The following ASCC3 variants were observed in gnomAD, a reference collection of about 807,000 sequenced individuals.
The protein encoded by ASCC3 is ASC-1 complex subunit P200.
Under a neutral mutation model 256.3 loss-of-function variants are expected in ASCC3, and 158 were observed. The ratio of observed to expected loss-of-function variants is 0.62; its 90% CI spans 0.54 to 0.70. The LOEUF (loss-of-function observed/expected upper bound fraction) is 0.70. Ranked by LOEUF, ASCC3 falls within the 30% of genes least tolerant of loss-of-function variation. ASCC3 has a pLI of 0.00. For synonymous variants in ASCC3, 948 were observed against 883.4 expected (o/e 1.07, Z -1.30); for missense variants, 2,259 against 2,626.0 (o/e 0.86, Z 3.05).
intron 3 of ASCC3, among the ~76,000 whole-genome samples, chr6:100,853,754 T>TAG (rs1176032244): frequency 6.6e-6 from 1 of 152,192 alleles, no homozygotes; most frequent in Non-Finnish European, 1.5e-5. Flanking sequence ...TGAGCCACTG[T>TAG]ACCCAGCCAA....
chr6:100,509,443 A>G lies in ASCC3; in HGVS notation c.6552T>C (p.Leu2184=). The G allele has an allele frequency of 6.2e-7, 1 of 1,614,230 alleles. No homozygotes were observed. The highest frequency in any genetic ancestry group is 2.2e-5 in the East Asian group (1 of 44,890). ...AGACCTTGGTGTTGACCTGTGCAGA[A>G]AGACTCGCTTGTGTAACGTTGAGAT... ...DIYLNVTQAS[L]SAQVNTKVSD... is the part of the protein sequence containing the mutation. The change falls in exon 42 of 42, where the codon CTT becomes CTC. Residue 2184 remains leucine (L), a synonymous_variant. Transcript: ENST00000369162.
intron 36 of ASCC3, among the ~76,000 whole-genome samples, chr6:100,540,930 C>A (rs922294885): frequency 2.6e-5 from 4 of 152,078 alleles, no homozygotes; most frequent in Admixed American, 6.5e-5. Flanking sequence ...AGAATTATTA[C>A]TTACTATTTA....
At chr6:100,871,166 G>C (rs1773722157) in intron 1 of ASCC3, among the ~76,000 whole-genome samples, 1 of 151,790 alleles carries the variant, frequency 6.6e-6, no homozygotes, top group African/African-American at 2.4e-5. Context: ...CGTGATCTCG[G>C]CTCACTGCAA....
chr6:100,795,207 C>A (rs1476459903), intron 8 of ASCC3, among the ~76,000 whole-genome samples: 6 of 151,064 alleles, frequency 4.0e-5, no homozygotes, highest in Non-Finnish European at 7.4e-5. Context: ...AAAAAAAAAA[C>A]CCATTGCTTC....
At chr6:100,543,848 C>A (rs954028864) in intron 36 of ASCC3, among the ~76,000 whole-genome samples, 2 of 152,062 alleles carry the variant, frequency 1.3e-5, no homozygotes, top group African/African-American at 2.4e-5. Flanking sequence ...ACACTGTTAA[C>A]TAAGCTGACT....
chr6:100,643,220 C>T (rs967232530), intron 23 of ASCC3, among the ~76,000 whole-genome samples: 7 of 152,216 alleles, frequency 4.6e-5, no homozygotes, highest in Admixed American at 1.3e-4. Flanking sequence ...CTACTGTTGC[C>T]TACCCAAGAC....
Position 100,722,380 on chromosome 6 carries a change from C to T in ASCC3, c.1902+3159G>A, listed in dbSNP as rs180924453. 3.3e-5 allele frequency among the ~76,000 whole-genome samples: 5 copies of T among 151,300 alleles called. No individual in the cohort carries two copies. In the East Asian group the frequency reaches 9.7e-4, roughly 29 times the overall value. On this transcript the variant is annotated intron_variant, in intron 11 of 41. Coordinates refer to ENST00000369162, the MANE Select transcript of ASCC3 (RefSeq NM_006828.4). ...TTTCTAATTCTATGAAGAATGACAT[C>T]CAAACTTCAGCATCATGCAATATAC...
At chr6:100,800,246 A>T in intron 6 of ASCC3, 54 bp downstream of exon 6, 1 of 1,550,386 alleles carries the variant, frequency 6.5e-7, no homozygotes, top group Non-Finnish European at 8.9e-7. Flanking sequence ...TGATAATGAT[A>T]TGTAAAAGCA....
chr6:100,800,465 T>G lies in ASCC3; in HGVS notation c.962A>C (p.Asn321Thr). 1 of 1,612,068 alleles carries G rather than the reference T, an allele frequency of 6.2e-7. No homozygotes were observed. The highest frequency in any genetic ancestry group is 8.5e-7 in the Non-Finnish European group (1 of 1,179,024). Residue 321 changes from asparagine to threonine, a missense_variant, in exon 6 of 42, where the codon AAT becomes ACT. Physicochemically the swap from Asn to Thr is moderately conservative, Grantham distance 65. Transcript: ENST00000369162. Reference sequence around the variant, plus strand: ...CTGAATAGTGACTTGACAACCATAATTGGGTTTAGCATTTTCTCCTAAAAT... The same window carrying G: ...CTGAATAGTGACTTGACAACCATAAGTGGGTTTAGCATTTTCTCCTAAAAT... The part of the protein sequence containing the change: ...KKILGENAKP[N>T]YGCQVTIQSE...
chr6:100,555,416 C>G (rs1447013104), intron 36 of ASCC3, among the ~76,000 whole-genome samples: 1 of 152,010 alleles, frequency 6.6e-6, no homozygotes, highest in Non-Finnish European at 1.5e-5. Context: ...CCAATTAGGA[C>G]AAGCACATAA....
Position 100,606,859 on chromosome 6 carries a change from A to C in ASCC3, c.4925T>G (p.Val1642Gly). 10 of 1,611,538 alleles carry C rather than the reference A, an allele frequency of 6.2e-6. No individual in the cohort carries two copies. The highest frequency in any genetic ancestry group is 8.5e-6 in the Non-Finnish European group (10 of 1,178,842). ...GGCTAATGTGCTTGTAGCAATAAGA[A>C]CCTAAAAAGCAAAATAAAATATCTT... ...EELFVNCKVQVLIATSTLAWG... is the reference protein window; with the variant it reads ...EELFVNCKVQGLIATSTLAWG... Residue 1642 changes from valine (V) to glycine (G), a missense_variant and splice_region_variant, in exon 32 of 42, where the codon GTT (valine) becomes GGT (glycine). By Grantham distance (109) the Val-to-Gly change is moderately radical (BLOSUM62 -3). Around this residue, in one of 2 missense-constraint regions of ASCC3, gnomAD observed 1,839 missense variants for 2,206.7 expected, o/e 0.83. Coordinates refer to ENST00000369162, the MANE Select transcript of ASCC3 (RefSeq NM_006828.4).
intron 8 of ASCC3, among the ~76,000 whole-genome samples, chr6:100,795,253 G>A (rs767302121): frequency 1.3e-5 from 2 of 151,950 alleles, no homozygotes; most frequent in Non-Finnish European, 2.9e-5. Context: ...CATGTTTGCT[G>A]CTTCTGCTGT....
intron 13 of ASCC3, among the ~76,000 whole-genome samples, chr6:100,692,351 T>C (rs1437565010): frequency 1.3e-5 from 2 of 152,084 alleles, no homozygotes; most frequent in African/African-American, 4.8e-5. Flanking sequence ...GCAAGATAAT[T>C]TGCTGAAGAA....
chr6:100,557,789 C>T (rs1474874018), intron 36 of ASCC3, among the ~76,000 whole-genome samples: 3 of 151,904 alleles, frequency 2.0e-5, no homozygotes, highest in Non-Finnish European at 4.4e-5. Context: ...TATTTGACAA[C>T]ACAACAAGGT....
chr6:100,573,199 A>G (rs1241309811), intron 36 of ASCC3, among the ~76,000 whole-genome samples: 2 of 152,118 alleles, frequency 1.3e-5, no homozygotes, highest in South Asian at 4.1e-4. Context: ...GATCACTCCT[A>G]TTTACCTACT....
intron 36 of ASCC3, among the ~76,000 whole-genome samples, chr6:100,570,436 G>A (rs974902416): frequency 6.6e-6 from 1 of 152,080 alleles, no homozygotes; most frequent in Admixed American, 6.6e-5. Context: ...TTTGAGCTAT[G>A]TTCCTTTGAT....
At chr6:100,590,899 T>C (rs1360043821) in intron 34 of ASCC3, among the ~76,000 whole-genome samples, 1 of 152,082 alleles carries the variant, frequency 6.6e-6, no homozygotes, top group African/African-American at 2.4e-5. Context: ...GGACTAATAA[T>C]GTCAGGACAT....
At chr6:100,746,926 T>G (rs189588366) in intron 10 of ASCC3, among the ~76,000 whole-genome samples, 3 of 152,216 alleles carry the variant, frequency 2.0e-5, no homozygotes, top group Admixed American at 1.3e-4. Context: ...CAAGTCAATT[T>G]GATGCTGGAA....
intron 37 of ASCC3, among the ~76,000 whole-genome samples, chr6:100,524,197 T>C (rs1464625372): frequency 6.6e-6 from 1 of 152,156 alleles, no homozygotes; most frequent in Non-Finnish European, 1.5e-5. Flanking sequence ...GCATATTCTG[T>C]CTTGCTTCAA....
Sources: gnomAD v4.1 joint callset for allele counts (sites outside exome capture counted in the v4.1 genomes callset) on GRCh38, gnomAD v4.1.1 for gene constraint, gnomAD v4.1.1 regional missense constraint, MANE v1.5 for transcripts, NCBI Gene and HGNC (gene_info 2026-07-23, HGNC 2026-07-21) for gene names.